Variants in PCDH15 observed in about 807,000 individuals in gnomAD.
The protein encoded by PCDH15 is protocadherin-15.
Under a neutral mutation model 178.5 loss-of-function variants are expected in PCDH15, and 129 were observed. The observed-to-expected ratio is 0.72, with a 90% confidence interval of 0.63 to 0.84. The LOEUF (loss-of-function observed/expected upper bound fraction) is 0.84. PCDH15 is among the 40% of genes least tolerant of loss of function. The pLI is 0.00. For missense variants in PCDH15, 2,230 were observed against 2,099.9 expected (o/e 1.06, Z -1.21); for synonymous variants, 800 against 732.0 (o/e 1.09, Z -1.50).
At position 55,403,633 on chromosome 10, in the gene PCDH15, G is replaced by A. The variant is rs151131283; in HGVS notation, c.-156+223992C>T. 2.2e-3 allele frequency among the ~76,000 whole-genome samples: 339 copies of A among 151,686 alleles called. 3 individuals carry two copies. Among genetic ancestry groups the A allele is most frequent in the African/African-American group, 7.7e-3 (319 of 41,404 alleles). On this transcript the variant is annotated intron_variant, in intron 2 of 5. Transcript: ENST00000613346. ...ATTTATTAAAGAGGGTGTTCTTTCC[G>A]CAATATATGTTCTCAGCACCTTTGT...
At chr10:55,039,557 T>C (rs146936540) in intron 2 of PCDH15, among the ~76,000 whole-genome samples, 56 of 152,200 alleles carry the variant, frequency 3.7e-4, no homozygotes, top group African/African-American at 1.3e-3. Context: ...TCCTAATGCT[T>C]TGCCTGCTTC....
intron 1 of PCDH15, among the ~76,000 whole-genome samples, chr10:55,263,747 T>A (rs1206513330): frequency 6.6e-6 from 1 of 151,860 alleles, no homozygotes; most frequent in Non-Finnish European, 1.5e-5. Flanking sequence ...ATTATTTTAT[T>A]TTTTTGAGAC....
intron 3 of PCDH15, among the ~76,000 whole-genome samples, chr10:54,398,080 C>T (rs1203063793): frequency 6.6e-6 from 1 of 151,864 alleles, no homozygotes. Context: ...ATGCAGAGAT[C>T]AGATGGTAAG....
chr10:54,182,295 CAATT>C (rs1418712178), intron 13 of PCDH15, among the ~76,000 whole-genome samples: 1 of 152,114 alleles, frequency 6.6e-6, no homozygotes, highest in Non-Finnish European at 1.5e-5. Flanking sequence ...TTTTAATTAA[CAATT>C]AATGCAAAGT....
At position 53,840,451 on chromosome 10, in the gene PCDH15, G is replaced by C; in HGVS notation, c.3852C>G (p.Val1284=). ...GGCGAGCTCCAATGGACTCCACTAC[G>C]ACCTTGGCACCAGGAATTTGTTCCT... ...YVQEQIPGAK[V]VVESIGARRH... The change falls in exon 29 of 38, where the codon GTC becomes GTG. Residue 1284 remains valine (V), a synonymous_variant. Transcript: ENST00000644397. The C allele has an allele frequency of 1.2e-6, 2 of 1,613,994 alleles. No individual in the cohort carries two copies. Among genetic ancestry groups the C allele is most frequent in the South Asian group, 1.1e-5 (1 of 91,074 alleles).
At chr10:54,226,752 A>G (rs1237781066) in intron 9 of PCDH15, among the ~76,000 whole-genome samples, 1 of 152,206 alleles carries the variant, frequency 6.6e-6, no homozygotes, top group Admixed American at 6.5e-5. Context: ...AAAGCAGGCT[A>G]GTTACTTTCT....
chr10:54,766,712 A>G (rs11004558), intron 1 of PCDH15, among the ~76,000 whole-genome samples: 14,605 of 151,860 alleles, frequency 0.096, 1,464 homozygotes, highest in East Asian at 0.47. Flanking sequence ...GGCGGATCAC[A>G]AGATCAGGAG....
intron 2 of PCDH15, among the ~76,000 whole-genome samples, chr10:55,550,312 C>T (rs1264155483): frequency 1.3e-5 from 2 of 152,124 alleles, no homozygotes; most frequent in Non-Finnish European, 2.9e-5. Context: ...GGAGATGTTA[C>T]TGATATATTA....
chr10:53,908,655 G>A (rs983908820), intron 25 of PCDH15, among the ~76,000 whole-genome samples: 3 of 152,124 alleles, frequency 2.0e-5, no homozygotes, highest in Admixed American at 6.6e-5. Flanking sequence ...CTGTACTTGG[G>A]AATGTAGAAG....
At chr10:55,442,494 T>C (rs1328404949) in intron 2 of PCDH15, among the ~76,000 whole-genome samples, 1 of 128,324 alleles carries the variant, frequency 7.8e-6, no homozygotes, top group Non-Finnish European at 1.7e-5. Flanking sequence ...TATATATATA[T>C]ATATATGTAA....
chr10:55,506,862 A>G (rs1467638250), intron 2 of PCDH15, among the ~76,000 whole-genome samples: 1 of 151,562 alleles, frequency 6.6e-6, no homozygotes, highest in African/African-American at 2.4e-5. Flanking sequence ...TATTTTGCAT[A>G]GTAACAAGCA....
chr10:55,252,886 C>T (rs1316431405), intron 1 of PCDH15, among the ~76,000 whole-genome samples: 1 of 151,874 alleles, frequency 6.6e-6, no homozygotes, highest in Non-Finnish European at 1.5e-5. Flanking sequence ...TAAAAACTGT[C>T]TAAAATAATG....
At chr10:54,382,000 A>G (rs781334554) in intron 3 of PCDH15, among the ~76,000 whole-genome samples, 11 of 152,130 alleles carry the variant, frequency 7.2e-5, no homozygotes, top group Non-Finnish European at 1.6e-4. Flanking sequence ...TACTATATGT[A>G]TGTTCCTGAA....
At chr10:55,588,471 TAAAG>T (rs1842770721) in intron 2 of PCDH15, among the ~76,000 whole-genome samples, 1 of 152,012 alleles carries the variant, frequency 6.6e-6, no homozygotes, top group Admixed American at 6.5e-5. Flanking sequence ...CCCACACACA[TAAAG>T]AAAGCTCGCA....
intron 23 of PCDH15, among the ~76,000 whole-genome samples, chr10:53,943,932 G>A (rs1173837830): frequency 6.6e-6 from 1 of 151,952 alleles, no homozygotes; most frequent in Non-Finnish European, 1.5e-5. Flanking sequence ...TTTTATTATT[G>A]TTTTAGGTTG....
chr10:55,395,221 GAGAGAGAGAGAA>G (rs1234170411), intron 2 of PCDH15, among the ~76,000 whole-genome samples: 3 of 128,338 alleles, frequency 2.3e-5, no homozygotes, highest in Non-Finnish European at 3.8e-5. Flanking sequence ...GAGAGAGAGA[GAGAGAGAGAGAA>G]AGAGACTACG....
At chr10:54,235,469 C>T (rs1430421518) in intron 9 of PCDH15, among the ~76,000 whole-genome samples, 1 of 152,118 alleles carries the variant, frequency 6.6e-6, no homozygotes, top group Non-Finnish European at 1.5e-5. Context: ...AAATTTCATC[C>T]TTTGGCTTTT....
At chr10:54,621,047 T>C (rs1185344931) in intron 2 of PCDH15, among the ~76,000 whole-genome samples, 1 of 152,018 alleles carries the variant, frequency 6.6e-6, no homozygotes, top group African/African-American at 2.4e-5. Flanking sequence ...TTCCCTAAGG[T>C]ACTGTGTAGG....
intron 3 of PCDH15, among the ~76,000 whole-genome samples, chr10:54,462,514 T>TCC (rs1554983614): frequency 4.0e-5 from 1 of 25,268 alleles, no homozygotes; most frequent in Non-Finnish European, 1.1e-4. Flanking sequence ...TTTCTTTTCT[T>TCC]TTTTTTTTTT....
Sources: gnomAD v4.1 joint callset for allele counts (sites outside exome capture counted in the v4.1 genomes callset) on GRCh38, gnomAD v4.1.1 for gene constraint, MANE v1.5 for transcripts, NCBI Gene and HGNC (gene_info 2026-07-23, HGNC 2026-07-21) for gene names.